The following EYA4 variants were observed in gnomAD, a reference collection of about 807,000 sequenced individuals.
The protein encoded by EYA4 is EYA transcriptional coactivator and phosphatase 4.
A neutral mutation model predicts 87.9 loss-of-function variants in EYA4; 31 were observed. That is an observed-to-expected ratio of 0.35 (90% CI 0.27 to 0.48). EYA4 has a LOEUF of 0.48. Among genes scored for constraint, EYA4 ranks in the 20% least tolerant of loss-of-function variants. The pLI is 0.99. For missense variants in EYA4, 678 were observed against 761.4 expected (o/e 0.89, Z 1.29); for synonymous variants, 263 against 270.6 (o/e 0.97, Z 0.28).
chr6:133,434,675 C>T (rs1791493128), intron 3 of EYA4, among the ~76,000 whole-genome samples: 1 of 152,168 alleles, frequency 6.6e-6, no homozygotes, highest in Non-Finnish European at 1.5e-5. Flanking sequence ...TTTAATGTCC[C>T]TTCAGAACTG....
intron 5 of EYA4, among the ~76,000 whole-genome samples, chr6:133,449,768 TTTAA>T (rs1793238871): frequency 6.6e-6 from 1 of 152,212 alleles, no homozygotes; most frequent in African/African-American, 2.4e-5. Context: ...TCTTCCTTTC[TTTAA>T]TTAGTAATGC....
At chr6:133,439,049 CAAAAAAAAAAA>C (rs56261819) in intron 3 of EYA4, among the ~76,000 whole-genome samples, 3 of 64,024 alleles carry the variant, frequency 4.7e-5, no homozygotes, top group Admixed American at 5.2e-4. Context: ...GACTCCGTCT[CAAAAAAAAAAA>C]AAAAAAAAAA....
chr6:133,515,735 A>T (rs1418448670), intron 17 of EYA4, among the ~76,000 whole-genome samples: 1 of 152,212 alleles, frequency 6.6e-6, no homozygotes, highest in East Asian at 1.9e-4. Context: ...ATAGCAACTG[A>T]TAATCCCCAC....
At chr6:133,366,239 T>A (rs1313181836) in intron 2 of EYA4, among the ~76,000 whole-genome samples, 1 of 152,220 alleles carries the variant, frequency 6.6e-6, no homozygotes, top group East Asian at 1.9e-4. Context: ...CGGCTTTACC[T>A]AAATGAAACA....
At chr6:133,258,456 TG>T (rs1775527150) in intron 1 of EYA4, among the ~76,000 whole-genome samples, 1 of 152,280 alleles carries the variant, frequency 6.6e-6, no homozygotes, top group African/African-American at 2.4e-5. Flanking sequence ...TCCATCAGCT[TG>T]CGGAGTTATA....
chr6:133,250,842 A>C (rs891384582), intron 1 of EYA4, among the ~76,000 whole-genome samples: 10 of 152,160 alleles, frequency 6.6e-5, no homozygotes, highest in African/African-American at 2.4e-4. Context: ...ATATATTTAG[A>C]GTAGTGCTTG....
intron 2 of EYA4, among the ~76,000 whole-genome samples, chr6:133,283,118 A>G (rs1326329399): frequency 2.6e-5 from 4 of 151,966 alleles, no homozygotes; most frequent in Non-Finnish European, 4.4e-5. Context: ...ACATGGTGAA[A>G]CCCTGTATCT....
intron 2 of EYA4, among the ~76,000 whole-genome samples, chr6:133,315,076 C>T (rs751215908): frequency 2.6e-4 from 40 of 152,176 alleles, no homozygotes; most frequent in Non-Finnish European, 4.4e-5. Flanking sequence ...GGGAAATTCA[C>T]CCGCATGGAA....
intron 11 of EYA4, among the ~76,000 whole-genome samples, chr6:133,478,464 A>G (rs1795931403): frequency 6.6e-6 from 1 of 151,808 alleles, no homozygotes; most frequent in Non-Finnish European, 1.5e-5. Context: ...TATATACATG[A>G]AGAAGTTCTA....
chr6:133,451,263 A>G (rs1793413978), intron 5 of EYA4, among the ~76,000 whole-genome samples: 1 of 152,214 alleles, frequency 6.6e-6, no homozygotes, highest in Admixed American at 6.5e-5. Context: ...TTTTTCAGCC[A>G]CTTAAAAAGG....
Position 133,451,928 on chromosome 6 carries a change from T to TA in EYA4, c.277+3750dup, listed in dbSNP as rs148511973. Among the ~76,000 whole-genome samples, 765 of 152,254 alleles carry TA rather than the reference T, an allele frequency of 5.0e-3. 11 individuals are homozygous for TA. Among genetic ancestry groups the TA allele is most frequent in the African/African-American group, 0.018 (730 of 41,584 alleles). On this transcript the variant is annotated intron_variant, in intron 5 of 19. Coordinates refer to ENST00000355286, the MANE Select transcript of EYA4 (RefSeq NM_004100.5). Reference sequence around the variant, plus strand: ...TTAGTATTTGTGCAATAGAGCTACCTACTGCTGTGGGTCAGCTCTTTTGTA... The same window carrying TA: ...TTAGTATTTGTGCAATAGAGCTACCTAACTGCTGTGGGTCAGCTCTTTTGTA...
At chr6:133,328,476 T>C (rs1189061908) in intron 2 of EYA4, among the ~76,000 whole-genome samples, 1 of 152,088 alleles carries the variant, frequency 6.6e-6, no homozygotes, top group Non-Finnish European at 1.5e-5. Flanking sequence ...TAGACTATGC[T>C]CAATAAATGG....
At chr6:133,335,083 G>A (rs114765620) in intron 2 of EYA4, among the ~76,000 whole-genome samples, 459 of 152,288 alleles carry the variant, frequency 3.0e-3, no homozygotes, top group African/African-American at 9.9e-3. Flanking sequence ...ATTATATTTA[G>A]CTATGGCTGA....
At chr6:133,369,914 C>T (rs963333650) in intron 2 of EYA4, among the ~76,000 whole-genome samples, 5 of 117,726 alleles carry the variant, frequency 4.2e-5, no homozygotes, top group Non-Finnish European at 5.8e-5. Context: ...TTAGATTTCA[C>T]TGAAAGACAG....
At chr6:133,331,997 G>A (rs184876790) in intron 2 of EYA4, among the ~76,000 whole-genome samples, 58 of 152,298 alleles carry the variant, frequency 3.8e-4, no homozygotes, top group Admixed American at 1.4e-3. Context: ...TCCGACCAGG[G>A]TTATATGGGT....
chr6:133,249,857 T>C (rs1262464735), intron 1 of EYA4, among the ~76,000 whole-genome samples: 2 of 152,212 alleles, frequency 1.3e-5, no homozygotes, highest in Admixed American at 6.5e-5. Flanking sequence ...CCTTGCCACA[T>C]TGAAATGTAA....
intron 1 of EYA4, among the ~76,000 whole-genome samples, chr6:133,252,984 C>T (rs888558899): frequency 2.0e-4 from 30 of 148,258 alleles, no homozygotes; most frequent in Non-Finnish European, 3.3e-4. Flanking sequence ...CACACACACA[C>T]ACACACTCAC....
intron 2 of EYA4, among the ~76,000 whole-genome samples, chr6:133,372,173 G>C (rs2128464861): frequency 1.3e-5 from 2 of 152,186 alleles, no homozygotes; most frequent in South Asian, 2.1e-4. Context: ...TTAGATTTTA[G>C]TTGAAGTTAC....
chr6:133,304,106 C>T (rs183201604), intron 2 of EYA4, among the ~76,000 whole-genome samples: 188 of 152,264 alleles, frequency 1.2e-3, no homozygotes, highest in African/African-American at 4.4e-3. Flanking sequence ...GATATTATTG[C>T]TAGCAGTAAT....
Sources: gnomAD v4.1 joint callset for allele counts (sites outside exome capture counted in the v4.1 genomes callset) on GRCh38, gnomAD v4.1.1 for gene constraint, MANE v1.5 for transcripts, NCBI Gene and HGNC (gene_info 2026-07-23, HGNC 2026-07-21) for gene names.